The following GNA12 variants were observed in gnomAD, a reference collection of about 807,000 sequenced individuals.
GNA12 encodes guanine nucleotide-binding protein subunit alpha-12.
In GNA12, 9 loss-of-function variants were observed where a neutral mutation model predicts 26.0. The ratio of observed to expected loss-of-function variants is 0.35; its 90% CI spans 0.21 to 0.60. The LOEUF is 0.60. GNA12 is among the 20% of genes least tolerant of loss of function. The pLI is 0.78. For missense variants in GNA12, 405 were observed against 525.8 expected (o/e 0.77, Z 2.25); for synonymous variants, 264 against 219.6 (o/e 1.20, Z -1.79).
chr7:2,748,213 G>A (rs1790861516), intron 2 of GNA12, among the ~76,000 whole-genome samples: 1 of 150,860 alleles, frequency 6.6e-6, no homozygotes, highest in Non-Finnish European at 1.5e-5. Context: ...TCAATCCTAA[G>A]CCAAAAGAAC....
chr7:2,799,965 G>A (rs1252692268), intron 1 of GNA12, among the ~76,000 whole-genome samples: 2 of 152,198 alleles, frequency 1.3e-5, no homozygotes, highest in Non-Finnish European at 2.9e-5. Context: ...GAAAACAGTT[G>A]GGTGGATTTA....
chr7:2,744,101 C>A (rs963765864), intron 2 of GNA12, among the ~76,000 whole-genome samples: 3 of 152,220 alleles, frequency 2.0e-5, no homozygotes, highest in Non-Finnish European at 4.4e-5. Context: ...GGGCAGGGCA[C>A]AGACAAACAA....
At chr7:2,782,378 G>A (rs144041536) in intron 2 of GNA12, among the ~76,000 whole-genome samples, 2 of 152,158 alleles carry the variant, frequency 1.3e-5, no homozygotes, top group African/African-American at 4.8e-5. Flanking sequence ...TATGATTCCT[G>A]TTGGGAGGAT....
intron 2 of GNA12, among the ~76,000 whole-genome samples, chr7:2,781,657 A>G (rs988274890): frequency 6.6e-6 from 1 of 152,142 alleles, no homozygotes; most frequent in Non-Finnish European, 1.5e-5. Context: ...TCTTTACTGT[A>G]TATTCTTTTT....
chr7:2,763,101 A>T, intron 2 of GNA12: 1 of 1,248,450 alleles, frequency 8.0e-7, no homozygotes, highest in South Asian at 3.7e-5. Flanking sequence ...GACCACAAGC[A>T]GCCTCTGAAG....
chr7:2,812,379 C>G (rs943354143), intron 1 of GNA12, among the ~76,000 whole-genome samples: 4 of 152,156 alleles, frequency 2.6e-5, no homozygotes, highest in African/African-American at 9.7e-5. Context: ...CCTGTAATCC[C>G]AGCACCTTTG....
At chr7:2,769,290 C>T (rs998028400) in intron 2 of GNA12, among the ~76,000 whole-genome samples, 4 of 152,136 alleles carry the variant, frequency 2.6e-5, no homozygotes, top group Non-Finnish European at 5.9e-5. Flanking sequence ...CAGGTATTTA[C>T]GTAGTTTTAA....
intron 2 of GNA12, chr7:2,794,617 A>G (rs1380900572): frequency 2.9e-6 from 1 of 342,988 alleles, no homozygotes; most frequent in Non-Finnish European, 5.4e-6. Flanking sequence ...GTTATTTCCT[A>G]CTATGAACAA....
At chr7:2,814,285 C>T (rs754527304) in intron 1 of GNA12, 11 of 1,176,720 alleles carry the variant, frequency 9.3e-6, no homozygotes, top group Non-Finnish European at 1.3e-5. Flanking sequence ...GATCTGTGGC[C>T]GAGGAGTTGA....
At chr7:2,784,464 G>A (rs535553539) in intron 2 of GNA12, among the ~76,000 whole-genome samples, 42 of 152,262 alleles carry the variant, frequency 2.8e-4, no homozygotes, top group African/African-American at 9.1e-4. Context: ...TTCCTGGGAC[G>A]ATGAATTACT....
At position 2,788,902 on chromosome 7, in the gene GNA12, C is replaced by A. The variant is rs544891045; in HGVS notation, c.525+6026G>T. 6.6e-5 allele frequency among the ~76,000 whole-genome samples: 10 copies of A among 151,618 alleles called. No individual in the cohort carries two copies. In the East Asian group the frequency reaches 2.0e-3, roughly 30 times the overall value. On this transcript the variant is annotated intron_variant, in intron 2 of 3. Transcript: ENST00000275364. Reference sequence around the variant, plus strand: ...GTGGCGTGATCTCTGCTCACTGCAACCTCCATCCCTGGGCTCAAGCGATTC... The same window carrying A: ...GTGGCGTGATCTCTGCTCACTGCAAACTCCATCCCTGGGCTCAAGCGATTC...
intron 2 of GNA12, among the ~76,000 whole-genome samples, chr7:2,755,274 C>T (rs890834928): frequency 4.3e-4 from 65 of 152,212 alleles, no homozygotes; most frequent in African/African-American, 1.5e-3. Context: ...TTACAATAAT[C>T]ACATCCATGT....
intron 2 of GNA12, among the ~76,000 whole-genome samples, chr7:2,769,490 G>T (rs1384549130): frequency 1.3e-5 from 2 of 151,992 alleles, no homozygotes; most frequent in African/African-American, 2.4e-5. Context: ...CAGCACTTTG[G>T]GAGGCCGAGG....
At chr7:2,813,357 C>T (rs1490932672) in intron 1 of GNA12, among the ~76,000 whole-genome samples, 1 of 152,170 alleles carries the variant, frequency 6.6e-6, no homozygotes, top group Non-Finnish European at 1.5e-5. Context: ...GACTCCATGC[C>T]CATAGTACCA....
chr7:2,737,745 T>A (rs994700883), intron 2 of GNA12, among the ~76,000 whole-genome samples: 1 of 152,230 alleles, frequency 6.6e-6, no homozygotes, highest in Non-Finnish European at 1.5e-5. Context: ...AGACAAATTT[T>A]AAAACTGCTG....
chr7:2,737,269 GTTTTGTTTTTTTTTTTTTTGTTTTT>G (rs1425063240), intron 2 of GNA12, among the ~76,000 whole-genome samples: 2 of 38,112 alleles, frequency 5.2e-5, no homozygotes, highest in Non-Finnish European at 5.4e-5. Context: ...TCACAGTTTT[GTTTTGTTTTTTTTTTTTTTGTTTTT>G]TTTTTTTTTT....
intron 1 of GNA12, among the ~76,000 whole-genome samples, chr7:2,831,330 A>G (rs1562449339): frequency 6.6e-6 from 1 of 151,960 alleles, no homozygotes; most frequent in Non-Finnish European, 1.5e-5. Context: ...TATCTATCTA[A>G]TCAAGTCATC....
At chr7:2,770,664 A>AAAACG (rs1377331113) in intron 2 of GNA12, among the ~76,000 whole-genome samples, 10 of 152,144 alleles carry the variant, frequency 6.6e-5, no homozygotes, top group African/African-American at 2.4e-4. Flanking sequence ...AAAACAAAAC[A>AAAACG]AAACAACACA....
intron 2 of GNA12, among the ~76,000 whole-genome samples, chr7:2,783,387 T>C (rs2115438870): frequency 6.6e-6 from 1 of 152,286 alleles, no homozygotes; most frequent in East Asian, 1.9e-4. Context: ...GGGATTTAGT[T>C]TGTCTCCTCC....
Sources: allele counts gnomAD v4.1 joint callset (sites outside exome capture counted in the v4.1 genomes callset), GRCh38; gene constraint gnomAD v4.1.1; transcripts MANE v1.5; gene names NCBI Gene and HGNC (gene_info 2026-07-23, HGNC 2026-07-21).